Variants in GRB10 observed in about 807,000 individuals in gnomAD.
GRB10 encodes growth factor receptor bound protein 10, also known as growth factor receptor-bound protein 10.
A neutral mutation model predicts 80.9 loss-of-function variants in GRB10; 20 were observed. The ratio of observed to expected loss-of-function variants is 0.25; its 90% CI spans 0.17 to 0.36. GRB10 has a LOEUF of 0.36. Ranked by LOEUF, GRB10 falls within the 10% of genes least tolerant of loss-of-function variation. The pLI, the probability that GRB10 is intolerant of heterozygous loss-of-function variation, is 1.00. For synonymous variants in GRB10, 291 were observed against 291.5 expected (o/e 1.00, Z 0.02); for missense variants, 548 against 747.7 (o/e 0.73, Z 3.12).
At chr7:50,755,555 A>C (rs1008216693) in intron 3 of GRB10, among the ~76,000 whole-genome samples, 1 of 152,138 alleles carries the variant, frequency 6.6e-6, no homozygotes, top group Non-Finnish European at 1.5e-5. Context: ...GGCAGGCAGC[A>C]TCACCCCCAC....
At chr7:50,705,320 A>G (rs931538841) in intron 4 of GRB10, 2 of 983,798 alleles carry the variant, frequency 2.0e-6, no homozygotes, top group Non-Finnish European at 2.4e-6. Flanking sequence ...TTCCTCCAGA[A>G]TATCTGGAGA....
chr7:50,650,606 G>A (rs898144662), intron 7 of GRB10, among the ~76,000 whole-genome samples: 7 of 152,188 alleles, frequency 4.6e-5, no homozygotes, highest in African/African-American at 1.7e-4. Context: ...ATGGAGTGGT[G>A]GCCCTGGGAA....
At chr7:50,634,250 A>G (rs554230562) in intron 7 of GRB10, among the ~76,000 whole-genome samples, 3 of 152,340 alleles carry the variant, frequency 2.0e-5, no homozygotes, top group African/African-American at 7.2e-5. Context: ...CTCCTTTAAG[A>G]AAAAAGAAAC....
At chr7:50,730,385 T>C (rs2069471015) in intron 4 of GRB10, among the ~76,000 whole-genome samples, 1 of 152,228 alleles carries the variant, frequency 6.6e-6, no homozygotes, top group Non-Finnish European at 1.5e-5. Context: ...AGAATAAATT[T>C]TTCTCTATAA....
At position 50,739,101 on chromosome 7, in the gene GRB10, T is replaced by C. The variant is rs1272366624; in HGVS notation, c.-46-6733A>G. Among the ~76,000 whole-genome samples the C allele has an allele frequency of 2.6e-5, 4 of 152,332 alleles. No homozygotes were observed. In the East Asian group the frequency reaches 5.8e-4, roughly 22 times the overall value. ...GTTTACTCATTCTAAAGTCAACATT[T>C]TTCTTAACAATGCCAATATTTACAC... On this transcript the variant is annotated intron_variant, in intron 3 of 18. Coordinates refer to ENST00000401949, the MANE Select transcript of GRB10 (RefSeq NM_001350814.2).
intron 5 of GRB10, among the ~76,000 whole-genome samples, chr7:50,691,490 G>T (rs373630490): frequency 3.3e-5 from 5 of 152,258 alleles, no homozygotes; most frequent in African/African-American, 1.2e-4. Context: ...GTTAAAATAC[G>T]AAGCATAAGT....
At chr7:50,754,966 G>C (rs1185900564) in intron 3 of GRB10, among the ~76,000 whole-genome samples, 8 of 152,222 alleles carry the variant, frequency 5.3e-5, no homozygotes, top group Non-Finnish European at 5.9e-5. Flanking sequence ...CCAGAGGGAA[G>C]AGCAGGTGAG....
chr7:50,615,608 G>A (rs1242280665), intron 11 of GRB10, among the ~76,000 whole-genome samples: 2 of 152,206 alleles, frequency 1.3e-5, no homozygotes, highest in African/African-American at 4.8e-5. Context: ...AGAGACCACA[G>A]CCCTCAGATG....
At chr7:50,721,620 G>A (rs1191855652) in intron 4 of GRB10, among the ~76,000 whole-genome samples, 1 of 152,158 alleles carries the variant, frequency 6.6e-6, no homozygotes, top group Non-Finnish European at 1.5e-5. Flanking sequence ...GCCCCTCGTA[G>A]GGCTCTGCAG....
intron 4 of GRB10, among the ~76,000 whole-genome samples, chr7:50,719,595 G>C (rs985223436): frequency 1.3e-5 from 2 of 152,032 alleles, no homozygotes; most frequent in Non-Finnish European, 2.9e-5. Flanking sequence ...AAACCTAGAT[G>C]ATGGGTTGAT....
At chr7:50,751,665 C>T (rs1165557359) in intron 3 of GRB10, among the ~76,000 whole-genome samples, 7 of 152,194 alleles carry the variant, frequency 4.6e-5, no homozygotes, top group Non-Finnish European at 1.0e-4. Flanking sequence ...TGTCAAAATG[C>T]ATCCGTTTGC....
intron 5 of GRB10, among the ~76,000 whole-genome samples, chr7:50,684,862 C>A (rs2061940505): frequency 6.6e-6 from 1 of 152,180 alleles, no homozygotes; most frequent in Admixed American, 6.5e-5. Context: ...TCTATTACAT[C>A]ACAAGTCACG....
chr7:50,668,562 C>T (rs2060044831), intron 7 of GRB10, among the ~76,000 whole-genome samples: 1 of 152,178 alleles, frequency 6.6e-6, no homozygotes, highest in South Asian at 2.1e-4. Context: ...AACATGCGTA[C>T]TTAATTCATA....
chr7:50,773,031 C>T (rs2077134009), intron 2 of GRB10, among the ~76,000 whole-genome samples: 1 of 152,110 alleles, frequency 6.6e-6, no homozygotes, highest in Non-Finnish European at 1.5e-5. Flanking sequence ...TTAATGGACT[C>T]ATATTTCCAC....
At chr7:50,599,551 C>T (rs1369491300) in intron 17 of GRB10, among the ~76,000 whole-genome samples, 2 of 152,296 alleles carry the variant, frequency 1.3e-5, no homozygotes, top group African/African-American at 4.8e-5. Context: ...GTGTGGTTAG[C>T]GCTCCAGCAG....
intron 4 of GRB10, among the ~76,000 whole-genome samples, chr7:50,731,935 A>T (rs1333923403): frequency 6.6e-6 from 1 of 152,234 alleles, no homozygotes; most frequent in Non-Finnish European, 1.5e-5. Flanking sequence ...GGCCCGACCC[A>T]GAAGGTGAAA....
intron 4 of GRB10, 140 bp downstream of exon 4, chr7:50,732,132 G>A: frequency 5.9e-6 from 5 of 841,750 alleles, no homozygotes; most frequent in Non-Finnish European, 8.1e-6. Flanking sequence ...TGCACCATGG[G>A]ACTTGTCACC....
chr7:50,609,612 A>G (rs1762757142), intron 13 of GRB10, among the ~76,000 whole-genome samples: 1 of 152,248 alleles, frequency 6.6e-6, no homozygotes. Context: ...ATGTCAGGTC[A>G]TGTAAAACCA....
intron 7 of GRB10, among the ~76,000 whole-genome samples, chr7:50,630,607 T>C (rs897468881): frequency 3.9e-5 from 6 of 152,184 alleles, no homozygotes; most frequent in Admixed American, 2.6e-4. Flanking sequence ...GCAAACCTCA[T>C]GACCAGTTAA....
Sources: allele counts gnomAD v4.1 joint callset (sites outside exome capture counted in the v4.1 genomes callset), GRCh38; gene constraint gnomAD v4.1.1; transcripts MANE v1.5; gene names NCBI Gene and HGNC (gene_info 2026-07-23, HGNC 2026-07-21).